Variants in TMED3 observed in about 807,000 individuals in gnomAD.
TMED3 encodes transmembrane emp24 domain-containing protein 3.
Under a neutral mutation model 15.0 loss-of-function variants are expected in TMED3, and 9 were observed. That is an observed-to-expected ratio of 0.60 (90% confidence interval 0.36 to 1.04). The LOEUF is 1.04. TMED3 is among the 50% of genes least tolerant of loss of function. TMED3 has a pLI of 0.01. For missense variants in TMED3, 267 were observed against 278.9 expected, an observed-to-expected ratio of 0.96 and a Z score of 0.30; for synonymous variants, 117 against 121.4, an observed-to-expected ratio of 0.96 and a Z score of 0.24.
intron 2 of TMED3, among the ~76,000 whole-genome samples, chr15:79,367,306 T>C (rs926405574): frequency 2.6e-5 from 4 of 152,152 alleles, no homozygotes; most frequent in Admixed American, 6.5e-5. Context: ...CAAATCAAAC[T>C]TGAAGTCTTC....
At chr15:79,367,039 G>T (rs1194955939) in intron 2 of TMED3, among the ~76,000 whole-genome samples, 1 of 152,132 alleles carries the variant, frequency 6.6e-6, no homozygotes, top group Non-Finnish European at 1.5e-5. Context: ...TTTACCTCAA[G>T]TGGAGCTGAT....
At chr15:79,332,090 G>C (rs930027071) in intron 2 of TMED3, among the ~76,000 whole-genome samples, 1 of 152,066 alleles carries the variant, frequency 6.6e-6, no homozygotes, top group African/African-American at 2.4e-5. Flanking sequence ...AGAAAAGGAT[G>C]AAAAAGACTT....
At position 79,346,146 on chromosome 15, in the gene TMED3, T is replaced by C. The variant is rs569209356; in HGVS notation, c.417+32141T>C. ...AGTTTCCTCTGCTGTGCAGAAGCTC[T>C]TTAGTTTAATTAGATCCCATTTGTC... On this transcript the variant is annotated intron_variant, in intron 2 of 2. Transcript: ENST00000424155. Among the ~76,000 whole-genome samples the C allele has an allele frequency of 2.6e-5, 4 of 152,354 alleles. No individual in the cohort carries two copies. The East Asian group carries it at 7.7e-4, about 29-fold the overall frequency.
At chr15:79,383,060 C>T (rs1170613881) in intron 2 of TMED3, 1 of 1,529,334 alleles carries the variant, frequency 6.5e-7, no homozygotes, top group South Asian at 1.2e-5. Flanking sequence ...TTGTTTACCT[C>T]CTGTGCATGC....
chr15:79,311,259 A>G lies in TMED3; in HGVS notation c.10A>G (p.Thr4Ala). MGS[T>A]VPRSASVLLL... ...CGGGACCGAGAGCATCATGGGCAGC[A>G]CTGTCCCGCGCTCCGCCTCCGTGCT... The change falls in exon 1 of 3, where the codon ACT (threonine) becomes GCT (alanine). Residue 4 changes from threonine (T) to alanine (A), a missense_variant. Transcript: ENST00000299705. The G allele has an allele frequency of 6.2e-7, 1 of 1,601,648 alleles. No homozygotes were observed.
intron 2 of TMED3, among the ~76,000 whole-genome samples, chr15:79,375,646 T>A (rs897844729): frequency 6.6e-6 from 1 of 152,060 alleles, no homozygotes; most frequent in Non-Finnish European, 1.5e-5. Flanking sequence ...AGGTGCCACA[T>A]ACTTTTAAAT....
At chr15:79,371,922 A>G (rs1371475667) in intron 2 of TMED3, among the ~76,000 whole-genome samples, 2 of 152,236 alleles carry the variant, frequency 1.3e-5, no homozygotes, top group African/African-American at 4.8e-5. Context: ...AGCCTCTACC[A>G]TAATTCTACC....
chr15:79,365,745 G>C (rs1893219032), intron 2 of TMED3, among the ~76,000 whole-genome samples: 1 of 152,208 alleles, frequency 6.6e-6, no homozygotes, highest in African/African-American at 2.4e-5. Flanking sequence ...CAAAAGAAAA[G>C]GCAGCTTCTT....
At chr15:79,335,000 A>G (rs1200963870) in intron 2 of TMED3, among the ~76,000 whole-genome samples, 2 of 152,208 alleles carry the variant, frequency 1.3e-5, no homozygotes, top group Non-Finnish European at 2.9e-5. Flanking sequence ...GGGACACTAA[A>G]GAAAGGCTTG....
intron 2 of TMED3, among the ~76,000 whole-genome samples, chr15:79,408,256 C>T (rs570189199): frequency 4.6e-5 from 7 of 152,330 alleles, no homozygotes; most frequent in African/African-American, 1.7e-4. Flanking sequence ...GCAGGCCCTG[C>T]TTAGAGGGCT....
At chr15:79,381,081 G>A (rs768582089) in intron 2 of TMED3, among the ~76,000 whole-genome samples, 6 of 152,152 alleles carry the variant, frequency 3.9e-5, no homozygotes, top group African/African-American at 1.2e-4. Context: ...AATGACAGTC[G>A]AGGCACCTGG....
downstream of TMED3, among the ~76,000 whole-genome samples, chr15:79,326,475 A>C (rs2058788037): frequency 1.3e-5 from 2 of 152,204 alleles, no homozygotes; most frequent in Admixed American, 1.3e-4. Flanking sequence ...ATAAGGACTC[A>C]TCCCTTGGCC....
chr15:79,338,418 G>A lies in TMED3; in HGVS notation c.417+24413G>A, dbSNP rs563803580. On this transcript the variant is annotated intron_variant, in intron 2 of 2. Transcript: ENST00000424155. ...TAATTGCCCTGGCTTCACCTCTTAG[G>A]GCTATTGCAAGGTTTCAATAATAAA... is the stretch of plus-strand genomic sequence containing the variant. Among the ~76,000 whole-genome samples the A allele has an allele frequency of 1.0e-3, 154 of 152,192 alleles. No individual in the cohort carries two copies. The Middle Eastern group carries it at 0.031, about 30-fold the overall frequency.
At chr15:79,331,938 A>G (rs1008763218) in intron 2 of TMED3, among the ~76,000 whole-genome samples, 10 of 152,168 alleles carry the variant, frequency 6.6e-5, no homozygotes, top group Non-Finnish European at 1.0e-4. Flanking sequence ...GGGAACTCTT[A>G]TACACTGTGG....
chr15:79,380,406 ATATATATAGT>A (rs145351272), intron 2 of TMED3, among the ~76,000 whole-genome samples: 4,929 of 132,240 alleles, frequency 0.037, 271 homozygotes, highest in African/African-American at 0.13. Context: ...AGTCTCAAAT[ATATATATAGT>A]TATATATAGT....
chr15:79,399,188 G>A (rs568312226), intron 2 of TMED3, among the ~76,000 whole-genome samples: 23 of 152,146 alleles, frequency 1.5e-4, no homozygotes, highest in Non-Finnish European at 2.6e-4. Context: ...TGGAATTACA[G>A]GCATGAGCCA....
chr15:79,344,103 G>A (rs2058860508), intron 2 of TMED3, among the ~76,000 whole-genome samples: 2 of 152,154 alleles, frequency 1.3e-5, no homozygotes, highest in Non-Finnish European at 2.9e-5. Context: ...TAGATCCCAT[G>A]GGCCTCCAAC....
intron 2 of TMED3, among the ~76,000 whole-genome samples, chr15:79,318,229 C>T (rs760517052): frequency 4.1e-4 from 63 of 152,234 alleles, no homozygotes; most frequent in Non-Finnish European, 6.3e-4. Flanking sequence ...GTTCCTGCCG[C>T]TCTGCATACC....
At chr15:79,363,971 C>T (rs78607248) in intron 2 of TMED3, among the ~76,000 whole-genome samples, 20,448 of 152,152 alleles carry the variant, frequency 0.13, 1,778 homozygotes, top group Non-Finnish European at 0.18. Context: ...CAGCCAAAGG[C>T]ATAAATCAAT....
Sources: gnomAD v4.1 joint callset for allele counts (sites outside exome capture counted in the v4.1 genomes callset) on GRCh38, gnomAD v4.1.1 for gene constraint, MANE v1.5 for transcripts, NCBI Gene and HGNC (gene_info 2026-07-23, HGNC 2026-07-21) for gene names.